The following LRRTM4 variants were observed in gnomAD, a reference collection of about 807,000 sequenced individuals.
LRRTM4 encodes leucine-rich repeat transmembrane neuronal protein 4.
A neutral mutation model predicts 47.6 loss-of-function variants in LRRTM4; 25 were observed. The observed-to-expected ratio is 0.53, with a 90% CI of 0.38 to 0.73. The LOEUF is 0.73. Ranked by LOEUF, LRRTM4 falls within the 30% of genes least tolerant of loss-of-function variation. The pLI, the probability that LRRTM4 is intolerant of heterozygous loss-of-function variation, is 0.00. For synonymous variants in LRRTM4, 311 were observed against 269.5 expected (o/e 1.15, Z -1.51); for missense variants, 638 against 713.4 (o/e 0.89, Z 1.20).
intron 3 of LRRTM4, among the ~76,000 whole-genome samples, chr2:77,469,244 G>C (rs1357301299): frequency 6.6e-6 from 1 of 152,236 alleles, no homozygotes; most frequent in Non-Finnish European, 1.5e-5. Flanking sequence ...AAAGGAAGCA[G>C]CAAGCGTTTG....
intron 3 of LRRTM4, among the ~76,000 whole-genome samples, chr2:76,810,599 A>G (rs1447317539): frequency 1.3e-5 from 2 of 152,194 alleles, no homozygotes; most frequent in Admixed American, 6.6e-5. Context: ...ATGTCTAAAT[A>G]TGTTCCTTTT....
intron 3 of LRRTM4, among the ~76,000 whole-genome samples, chr2:76,841,302 T>C (rs7589223): frequency 0.62 from 93,270 of 149,664 alleles, 30,046 homozygotes; most frequent in East Asian, 0.79. Context: ...GGAGGGATAG[T>C]ATTAGGAGAT....
chr2:77,317,474 C>A (rs1158471982), intron 3 of LRRTM4, among the ~76,000 whole-genome samples: 1 of 152,128 alleles, frequency 6.6e-6, no homozygotes, highest in Non-Finnish European at 1.5e-5. Context: ...TTTCATTAAC[C>A]TTTATACGTT....
intron 3 of LRRTM4, among the ~76,000 whole-genome samples, chr2:77,369,663 C>T (rs970421517): frequency 5.3e-5 from 8 of 151,610 alleles, no homozygotes; most frequent in African/African-American, 1.7e-4. Context: ...AAAAATGCAT[C>T]GTTAGGCAAT....
intron 3 of LRRTM4, among the ~76,000 whole-genome samples, chr2:77,405,576 C>T (rs1002634858): frequency 2.6e-5 from 4 of 152,038 alleles, no homozygotes; most frequent in Non-Finnish European, 5.9e-5. Context: ...TAGCTAACAT[C>T]TATTTGTGTT....
At chr2:77,254,996 G>T (rs1675723214) in intron 3 of LRRTM4, among the ~76,000 whole-genome samples, 1 of 150,854 alleles carries the variant, frequency 6.6e-6, no homozygotes, top group African/African-American at 2.4e-5. Context: ...AGAGATGAAA[G>T]AAGTGAATTT....
intron 3 of LRRTM4, among the ~76,000 whole-genome samples, chr2:76,838,577 T>C (rs1173601567): frequency 6.6e-6 from 1 of 152,122 alleles, no homozygotes; most frequent in Non-Finnish European, 1.5e-5. Context: ...ATCCCACCTC[T>C]ATTTAATACA....
At chr2:76,842,951 G>C (rs1462025746) in intron 3 of LRRTM4, among the ~76,000 whole-genome samples, 1 of 152,160 alleles carries the variant, frequency 6.6e-6, no homozygotes, top group East Asian at 1.9e-4. Flanking sequence ...GGAGTCAGCT[G>C]TCCCTTCTAT....
intron 3 of LRRTM4, among the ~76,000 whole-genome samples, chr2:76,931,143 T>G (rs2103834169): frequency 6.6e-6 from 1 of 152,198 alleles, no homozygotes; most frequent in Non-Finnish European, 1.5e-5. Context: ...AAAAAATAAC[T>G]GAAAGAGAAT....
At chr2:77,382,336 C>A (rs561731873) in intron 3 of LRRTM4, among the ~76,000 whole-genome samples, 2 of 152,214 alleles carry the variant, frequency 1.3e-5, no homozygotes, top group African/African-American at 2.4e-5. Context: ...CATATAATTT[C>A]TCCCAGAAAC....
At chr2:77,365,304 A>G (rs1423489313) in intron 3 of LRRTM4, among the ~76,000 whole-genome samples, 1 of 152,054 alleles carries the variant, frequency 6.6e-6, no homozygotes, top group Non-Finnish European at 1.5e-5. Flanking sequence ...GTTTAGCTCT[A>G]TTTCCAGAAT....
At chr2:77,125,995 A>G (rs1345236344) in intron 3 of LRRTM4, among the ~76,000 whole-genome samples, 2 of 151,286 alleles carry the variant, frequency 1.3e-5, no homozygotes, top group Admixed American at 1.3e-4. Context: ...GACCATACAT[A>G]TATATATAAG....
intron 3 of LRRTM4, among the ~76,000 whole-genome samples, chr2:77,321,599 G>C (rs290021): frequency 0.031 from 4,461 of 144,854 alleles, 109 homozygotes; most frequent in East Asian, 0.064. Context: ...AAAGAAAAAA[G>C]AAATGAATTG....
intron 3 of LRRTM4, among the ~76,000 whole-genome samples, chr2:77,214,827 A>G (rs188848279): frequency 9.9e-5 from 15 of 152,142 alleles, no homozygotes; most frequent in Admixed American, 2.6e-4. Flanking sequence ...AATTAAACAG[A>G]TGTTCTGGTG....
intron 3 of LRRTM4, among the ~76,000 whole-genome samples, chr2:77,172,679 T>C (rs1375979314): frequency 6.6e-6 from 1 of 151,602 alleles, no homozygotes; most frequent in Non-Finnish European, 1.5e-5. Context: ...CTAATTATCA[T>C]CACACAATGA....
chr2:77,436,916 A>G (rs1473641879), intron 3 of LRRTM4, among the ~76,000 whole-genome samples: 2 of 151,916 alleles, frequency 1.3e-5, no homozygotes, highest in African/African-American at 4.8e-5. Flanking sequence ...TACATCTATA[A>G]TAAGGAATAT....
At chr2:77,364,965 C>T (rs758132307) in intron 3 of LRRTM4, among the ~76,000 whole-genome samples, 9 of 151,982 alleles carry the variant, frequency 5.9e-5, no homozygotes, top group Non-Finnish European at 8.8e-5. Context: ...ATTGATCCTA[C>T]CAGTGAGAAG....
At chr2:76,849,501 T>A (rs1207617771) in intron 3 of LRRTM4, among the ~76,000 whole-genome samples, 1 of 152,016 alleles carries the variant, frequency 6.6e-6, no homozygotes, top group Non-Finnish European at 1.5e-5. Context: ...AAAATAAATT[T>A]TATATATTAA....
chr2:77,161,686 C>G (rs191187351), intron 3 of LRRTM4, among the ~76,000 whole-genome samples: 3 of 152,104 alleles, frequency 2.0e-5, no homozygotes, highest in Non-Finnish European at 1.5e-5. Flanking sequence ...CAGTTCAAAC[C>G]CATGTTGTTC....
Sources: allele counts gnomAD v4.1 joint callset (sites outside exome capture counted in the v4.1 genomes callset), GRCh38; gene constraint gnomAD v4.1.1; transcripts MANE v1.5; gene names NCBI Gene and HGNC (gene_info 2026-07-23, HGNC 2026-07-21).